Variants in ZNF831 observed in about 807,000 individuals in gnomAD.
ZNF831 encodes zinc finger protein 831.
ZNF831 carries 59 observed loss-of-function variants against 95.8 expected under a neutral mutation model. The observed-to-expected ratio is 0.62, with a 90% CI of 0.50 to 0.77. ZNF831 has a LOEUF of 0.77. Among genes scored for constraint, ZNF831 ranks in the 30% least tolerant of loss-of-function variants. ZNF831 has a pLI of 0.00. For missense variants in ZNF831, 2,205 were observed against 2,164.0 expected (o/e 1.02, Z -0.38); for synonymous variants, 961 against 925.5 (o/e 1.04, Z -0.70).
intron 2 of ZNF831, among the ~76,000 whole-genome samples, chr20:59,158,404 C>T (rs996028080): frequency 2.0e-5 from 3 of 152,082 alleles, no homozygotes; most frequent in East Asian, 1.9e-4. Flanking sequence ...GGAGAGGGGA[C>T]GAGGCAACAG....
At position 59,254,823 on chromosome 20, in the gene ZNF831, C is replaced by T; in HGVS notation, c.*80C>T. 6.6e-7 allele frequency: 1 copy of T among 1,516,640 alleles called. No homozygotes were observed. 93.9% of individuals were successfully genotyped at this position (1,516,640 alleles called of 1,614,324 possible). A position where few individuals can be genotyped will look rare whatever the true frequency, so the allele number is the denominator to read the frequency against. ...AAATGTTGTCAGGCTGGCGGAAGAA[C>T]TAAACTCTATCTGTGAAACACCTAC... On this transcript the variant is annotated 3_prime_UTR_variant, in exon 6 of 6. Transcript: ENST00000371030. This position sits in a 1 kb window ranked among gnomAD's most constrained non-coding sequence, Gnocchi z 4.5.
At chr20:59,253,255 T>A in intron 5 of ZNF831, 117 bp downstream of exon 5, 1 of 1,166,966 alleles carries the variant, frequency 8.6e-7, no homozygotes. Flanking sequence ...CTTATGAAGA[T>A]TCGTGGCACA....
chr20:59,192,721 G>C lies in ZNF831; in HGVS notation c.1702G>C (p.Glu568Gln), dbSNP rs781008137. The C allele has an allele frequency of 1.7e-5, 28 of 1,607,276 alleles. No homozygotes were observed. Among genetic ancestry groups the C allele is most frequent in the Non-Finnish European group, 2.3e-5 (27 of 1,177,696 alleles). Reference protein sequence around the residue: ...PRALVRQAAVEDLPGTPIGDA... With the variant: ...PRALVRQAAVQDLPGTPIGDA... Reference sequence around the variant, plus strand: ...GGCCCTGGTCAGACAGGCCGCGGTGGAGGACCTGCCAGGCACCCCCATTGG... The same window carrying C: ...GGCCCTGGTCAGACAGGCCGCGGTGCAGGACCTGCCAGGCACCCCCATTGG... The change falls in exon 2 of 6, where the codon GAG (glutamate) becomes CAG (glutamine). Residue 568 changes from glutamate to glutamine, a missense_variant. Glu to Gln is a conservative substitution (Grantham distance 29). Coordinates refer to ENST00000371030, the MANE Select transcript of ZNF831 (RefSeq NM_178457.3). This position sits in a 1 kb window ranked among gnomAD's most constrained non-coding sequence, Gnocchi z 5.2.
intron 4 of ZNF831, among the ~76,000 whole-genome samples, chr20:59,246,206 C>G (rs918655497): frequency 2.0e-5 from 3 of 152,094 alleles, no homozygotes; most frequent in African/African-American, 7.3e-5. Flanking sequence ...GAGCCCTCTT[C>G]TCTCTCTGTG....
At chr20:59,153,144 T>A (rs1017189108) in intron 2 of ZNF831, among the ~76,000 whole-genome samples, 1 of 152,210 alleles carries the variant, frequency 6.6e-6, no homozygotes, top group Non-Finnish European at 1.5e-5. Context: ...CTTTCCCACC[T>A]GAGCAGTGTC....
chr20:59,141,450 T>C (rs1039087600), intron 1 of ZNF831, among the ~76,000 whole-genome samples: 3 of 152,254 alleles, frequency 2.0e-5, no homozygotes, highest in Non-Finnish European at 4.4e-5. Flanking sequence ...GTCCATTTGC[T>C]CCAGCACCGT....
At chr20:59,162,086 G>T (rs1358207051), upstream of ZNF831, among the ~76,000 whole-genome samples, 1 of 152,102 alleles carries the variant, frequency 6.6e-6, no homozygotes, top group Non-Finnish European at 1.5e-5. Flanking sequence ...GTCTCTTCAT[G>T]ACCTTTGCTC....
At chr20:59,244,782 G>A (rs1399467558) in intron 4 of ZNF831, among the ~76,000 whole-genome samples, 2 of 152,062 alleles carry the variant, frequency 1.3e-5, no homozygotes, top group African/African-American at 4.8e-5. Flanking sequence ...TATAACTCTA[G>A]GCCGATACGT....
Position 59,194,111 on chromosome 20 carries a change from C to T in ZNF831, c.3092C>T (p.Ala1031Val), listed in dbSNP as rs375772171. The change falls in exon 2 of 6, where the codon GCC (alanine) becomes GTC (valine). Residue 1031 changes from alanine (A) to valine (V), a missense_variant. Ala to Val is a moderately conservative substitution (Grantham distance 64). Transcript: ENST00000371030. ...GGGGGGGACAAGGGGGACAGGATGGCCACTAGCAGGCCAGCAGCCAGGGAG... is the reference window on the plus strand; with the variant it reads ...GGGGGGGACAAGGGGGACAGGATGGTCACTAGCAGGCCAGCAGCCAGGGAG... ...QLGGDKGDRM[A>V]TSRPAARELP... 18 of 1,554,262 alleles carry T rather than the reference C, an allele frequency of 1.2e-5. No individual in the cohort carries two copies. In the African/African-American group the frequency reaches 2.3e-4, roughly 20 times the overall value.
At position 59,192,832 on chromosome 20, in the gene ZNF831, A is replaced by G. The variant is rs2146572791; in HGVS notation, c.1813A>G (p.Arg605Gly). 1 of 1,608,128 alleles carries G rather than the reference A, an allele frequency of 6.2e-7. No individual in the cohort carries two copies. The highest frequency in any genetic ancestry group is 2.2e-5 in the East Asian group (1 of 44,846). Residue 605 changes from arginine (R) to glycine (G), a missense_variant, in exon 2 of 6, where the codon AGG becomes GGG. Coordinates refer to ENST00000371030, the MANE Select transcript of ZNF831 (RefSeq NM_178457.3). This position sits in a 1 kb window ranked among gnomAD's most constrained non-coding sequence, Gnocchi z 5.2. ...GGCCGGCAAGGGCAGAGCGGGCGGC[A>G]GGAAGTGCGGCCAGAGAAGGCTGAA... ...AMAGKGRAGG[R>G]KCGQRRLKMF...
intron 1 of ZNF831, among the ~76,000 whole-genome samples, chr20:59,133,578 G>A (rs1038515333): frequency 2.0e-5 from 3 of 152,192 alleles, no homozygotes; most frequent in African/African-American, 7.2e-5. Context: ...AGTTGCCAAG[G>A]AGGAAAAGGG....
Position 59,194,200 on chromosome 20 carries a change from G to A in ZNF831, c.3181G>A (p.Glu1061Lys), listed in dbSNP as rs1329312742. Residue 1061 changes from glutamate (E) to lysine (K), a missense_variant, in exon 2 of 6, where the codon GAG (glutamate) becomes AAG (lysine). By Grantham distance (56) the Glu-to-Lys change is moderately conservative (BLOSUM62 1). Coordinates refer to ENST00000371030, the MANE Select transcript of ZNF831 (RefSeq NM_178457.3). ...ATSSPPTPTC[E>K]AHLVQDMEGD... is the part of the protein sequence containing the mutation. ...CTCCTCCCCGCCCACTCCAACGTGT[G>A]AGGCACACTTAGTTCAGGACATGGA... The A allele has an allele frequency of 2.5e-6, 4 of 1,610,948 alleles. No homozygotes were observed. The African/African-American group carries it at 4.0e-5, about 16-fold the overall frequency.
Position 59,168,453 on chromosome 20 carries a change from A to G in ZNF831, c.-37+4246A>G, listed in dbSNP as rs111964362. ...GCTGCACTCACTTATTAGTGCGAGG[A>G]GGTTTTTTTTTTTTTTTTTTTGTAG... is the stretch of plus-strand genomic sequence containing the variant. On this transcript the variant is annotated intron_variant, in intron 1 of 5. Transcript: ENST00000371030. 8.1e-3 allele frequency among the ~76,000 whole-genome samples: 938 copies of G among 115,454 alleles called. 14 individuals carry two copies. The highest frequency in any genetic ancestry group is 0.031 in the African/African-American group (896 of 28,700). 75.7% of individuals were successfully genotyped at this position (115,454 alleles called of 152,430 possible).
chr20:59,144,591 G>A (rs1286695670), intron 1 of ZNF831, among the ~76,000 whole-genome samples: 1 of 152,202 alleles, frequency 6.6e-6, no homozygotes, highest in Non-Finnish European at 1.5e-5. Context: ...TGAGGAGATG[G>A]TGACGGGAAG....
At chr20:59,196,365 CAA>C (rs1243481310) in intron 3 of ZNF831, among the ~76,000 whole-genome samples, 1 of 152,150 alleles carries the variant, frequency 6.6e-6, no homozygotes, top group Non-Finnish European at 1.5e-5. Flanking sequence ...TACAGATGAG[CAA>C]AGAGAAGACA....
chr20:59,186,030 G>A (rs1004240230), intron 1 of ZNF831, among the ~76,000 whole-genome samples: 10 of 152,182 alleles, frequency 6.6e-5, no homozygotes, highest in African/African-American at 1.7e-4. Flanking sequence ...GCATTCATGC[G>A]TGCAGCTGGA....
In ZNF831 at chr20:59,191,320, G is replaced by C. The variant is rs2146546002; in HGVS notation, c.301G>C (p.Gly101Arg). The change falls in exon 2 of 6, where the codon GGC becomes CGC. Residue 101 changes from glycine to arginine, a missense_variant. Gly to Arg is a moderately radical substitution (Grantham distance 125). Coordinates refer to ENST00000371030, the MANE Select transcript of ZNF831 (RefSeq NM_178457.3). ...LSPVLQPEGPGPTQVGKPAAP... is the reference protein window; with the variant it reads ...LSPVLQPEGPRPTQVGKPAAP... Reference sequence around the variant, plus strand: ...CCCTGTGCTGCAGCCTGAAGGGCCTGGCCCCACCCAGGTGGGGAAGCCGGC... The same window carrying C: ...CCCTGTGCTGCAGCCTGAAGGGCCTCGCCCCACCCAGGTGGGGAAGCCGGC... The C allele has an allele frequency of 6.2e-7, 1 of 1,600,278 alleles. No homozygotes were observed. Among genetic ancestry groups the C allele is most frequent in the Non-Finnish European group, 8.5e-7 (1 of 1,173,530 alleles).
rs1488471396 is a variant in ZNF831, at chr20:59,210,165, C to A, written c.4027+3109C>A. 2.0e-5 allele frequency among the ~76,000 whole-genome samples: 3 copies of A among 152,218 alleles called. No homozygotes were observed. The East Asian group carries it at 5.8e-4, about 29-fold the overall frequency. ...TGCACAATAATGCACATCATCTGGG[C>A]TCTCATTGTTTGTAAATCATTTTTG... On this transcript the variant is annotated intron_variant, in intron 4 of 5. Coordinates refer to ENST00000371030, the MANE Select transcript of ZNF831 (RefSeq NM_178457.3).
At chr20:59,187,602 T>TA (rs571104139) in intron 1 of ZNF831, among the ~76,000 whole-genome samples, 10 of 150,770 alleles carry the variant, frequency 6.6e-5, no homozygotes, top group East Asian at 3.9e-4. Flanking sequence ...GACAATACTT[T>TA]AAAAAAAAAA....
Sources: gnomAD v4.1 joint callset for allele counts (sites outside exome capture counted in the v4.1 genomes callset) on GRCh38, gnomAD v4.1.1 for gene constraint, Gnocchi (gnomAD v3.1) non-coding constraint, MANE v1.5 for transcripts, NCBI Gene and HGNC (gene_info 2026-07-23, HGNC 2026-07-21) for gene names.